The following DNM3 variants were observed in gnomAD, a reference collection of about 807,000 sequenced individuals.
DNM3 encodes the protein dynamin-3.
In DNM3, 47 loss-of-function variants were observed where a neutral mutation model predicts 101.6. That is an observed-to-expected ratio of 0.46 (90% CI 0.37 to 0.59). DNM3 has a LOEUF of 0.59. Among genes scored for constraint, DNM3 ranks in the 20% least tolerant of loss-of-function variants. The pLI, the probability that DNM3 is intolerant of heterozygous loss-of-function variation, is 0.00. For synonymous variants in DNM3, 385 were observed against 387.9 expected (o/e 0.99, Z 0.09); for missense variants, 849 against 1,085.7 (o/e 0.78, Z 3.06).
chr1:172,371,936 TTAAG>T (rs1289726890), intron 17 of DNM3, among the ~76,000 whole-genome samples: 1 of 149,812 alleles, frequency 6.7e-6, no homozygotes, highest in Non-Finnish European at 1.5e-5. Context: ...TTATTATACT[TTAAG>T]TTTTAGGGTA....
intron 12 of DNM3, 67 bp from the exon 13 acceptor site, chr1:172,092,757 A>G: frequency 6.9e-7 from 1 of 1,445,508 alleles, no homozygotes; most frequent in Non-Finnish European, 9.3e-7. Context: ...AAATTTTAGT[A>G]TTTGTTACTT....
At chr1:172,212,717 A>C (rs2060555128) in intron 14 of DNM3, among the ~76,000 whole-genome samples, 1 of 152,144 alleles carries the variant, frequency 6.6e-6, no homozygotes. Flanking sequence ...AAATACCACA[A>C]ACTGATTTGG....
intron 13 of DNM3, among the ~76,000 whole-genome samples, chr1:172,117,559 C>G (rs1386134141): frequency 6.6e-6 from 1 of 152,134 alleles, no homozygotes; most frequent in Non-Finnish European, 1.5e-5. Flanking sequence ...CCTTTCATCT[C>G]CCACCATGAT....
intron 13 of DNM3, among the ~76,000 whole-genome samples, chr1:172,126,953 C>G (rs1184012475): frequency 1.3e-5 from 2 of 152,088 alleles, no homozygotes; most frequent in African/African-American, 4.8e-5. Context: ...TTCTACATCA[C>G]GTGTGCAAAG....
intron 17 of DNM3, among the ~76,000 whole-genome samples, chr1:172,342,418 T>C (rs1180900194): frequency 6.6e-6 from 1 of 152,166 alleles, no homozygotes; most frequent in African/African-American, 2.4e-5. Flanking sequence ...CATAAAATAC[T>C]CTGCGGCCAT....
chr1:172,073,724 A>G (rs2125957600), intron 11 of DNM3, among the ~76,000 whole-genome samples: 1 of 152,352 alleles, frequency 6.6e-6, no homozygotes, highest in East Asian at 1.9e-4. Context: ...ACAAAGTTGA[A>G]GAGCAGAGCT....
At chr1:172,383,949 G>A (rs781729280) in intron 18 of DNM3, among the ~76,000 whole-genome samples, 21 of 152,162 alleles carry the variant, frequency 1.4e-4, no homozygotes, top group Non-Finnish European at 2.6e-4. Context: ...TCAAATTTAA[G>A]TATAATCACT....
At chr1:172,241,263 G>GTGTGTT (rs2061739534) in intron 14 of DNM3, among the ~76,000 whole-genome samples, 1 of 151,622 alleles carries the variant, frequency 6.6e-6, no homozygotes, top group South Asian at 2.1e-4. Context: ...GTGTGTGTGT[G>GTGTGTT]TGCACGTGTG....
intron 4 of DNM3, among the ~76,000 whole-genome samples, chr1:172,002,914 C>A (rs755235243): frequency 6.6e-6 from 1 of 151,922 alleles, no homozygotes; most frequent in Non-Finnish European, 1.5e-5. Flanking sequence ...ATTTCTAATG[C>A]GTTCATTCCT....
chr1:172,218,679 A>G (rs648889), intron 14 of DNM3, among the ~76,000 whole-genome samples: 32,228 of 152,026 alleles, frequency 0.21, 5,811 homozygotes, highest in African/African-American at 0.48. Flanking sequence ...CAGATAAGGA[A>G]TTGTGGACTT....
chr1:171,934,491 C>T (rs1035918676), intron 2 of DNM3, among the ~76,000 whole-genome samples: 5 of 152,234 alleles, frequency 3.3e-5, no homozygotes, highest in Non-Finnish European at 7.3e-5. Context: ...AACTCTCCCT[C>T]TGCTTCTCTT....
At chr1:171,948,463 G>A (rs2042300377) in intron 2 of DNM3, among the ~76,000 whole-genome samples, 1 of 152,076 alleles carries the variant, frequency 6.6e-6, no homozygotes, top group South Asian at 2.1e-4. Flanking sequence ...CTTGAGAATG[G>A]AAGGGTGATA....
intron 11 of DNM3, among the ~76,000 whole-genome samples, chr1:172,077,864 T>C (rs2052792234): frequency 6.6e-6 from 1 of 152,180 alleles, no homozygotes; most frequent in Non-Finnish European, 1.5e-5. Context: ...TTGTTAACCT[T>C]CTGTCTCGTT....
chr1:171,884,184 G>A (rs769263539), intron 1 of DNM3, among the ~76,000 whole-genome samples: 1 of 152,212 alleles, frequency 6.6e-6, no homozygotes, highest in Non-Finnish European at 1.5e-5. Flanking sequence ...GGAAACAGAA[G>A]CACGTGGTTT....
chr1:172,128,944 G>A (rs940012964), intron 13 of DNM3, among the ~76,000 whole-genome samples: 1 of 152,180 alleles, frequency 6.6e-6, no homozygotes, highest in Non-Finnish European at 1.5e-5. Flanking sequence ...GTTCCAGGGA[G>A]CATGCAAGAT....
At chr1:172,141,256 T>G (rs2057561888) in intron 14 of DNM3, among the ~76,000 whole-genome samples, 2 of 152,114 alleles carry the variant, frequency 1.3e-5, no homozygotes, top group Non-Finnish European at 2.9e-5. Flanking sequence ...AAATATTTAT[T>G]TCTACTTAAT....
At chr1:171,941,208 C>T (rs185610171) in intron 2 of DNM3, among the ~76,000 whole-genome samples, 2 of 152,208 alleles carry the variant, frequency 1.3e-5, no homozygotes, top group Admixed American at 1.3e-4. Context: ...GCGGGTTATA[C>T]TATAGTGTCC....
rs146772935 is a variant in DNM3 at position 171,953,227 on chromosome 1, C to T, written c.235+31406C>T. 9.9e-5 allele frequency among the ~76,000 whole-genome samples: 15 copies of T among 152,250 alleles called. No homozygotes were observed. In the East Asian group the frequency reaches 1.5e-3, roughly 16 times the overall value. On this transcript the variant is annotated intron_variant, in intron 2 of 20. Coordinates refer to ENST00000627582, the MANE Select transcript of DNM3 (RefSeq NM_015569.5). ...GCTAGCTGAATGTGATGCTTGCTATCGCCTACTTATCACAAACTTTGCTGC... is the reference window on the plus strand; with the variant it reads ...GCTAGCTGAATGTGATGCTTGCTATTGCCTACTTATCACAAACTTTGCTGC...
rs146243581 is a variant in DNM3 at position 172,370,631 on chromosome 1, T to A, written c.1894-8387T>A. ...ATTTCTACACTACTAATTTATTTAA[T>A]CCATACAACAACCCTTTGAAGATTT... On this transcript the variant is annotated intron_variant, in intron 17 of 20. Transcript: ENST00000627582. Among the ~76,000 whole-genome samples the A allele has an allele frequency of 4.1e-3, 631 of 152,130 alleles. 7 individuals are homozygous for A. Among genetic ancestry groups the A allele is most frequent in the African/African-American group, 0.013 (550 of 41,554 alleles).
Sources: gnomAD v4.1 joint callset for allele counts (sites outside exome capture counted in the v4.1 genomes callset) on GRCh38, gnomAD v4.1.1 for gene constraint, MANE v1.5 for transcripts, NCBI Gene and HGNC (gene_info 2026-07-23, HGNC 2026-07-21) for gene names.